The following FAM8A1 variants were observed in gnomAD, a reference collection of about 807,000 sequenced individuals.
The protein encoded by FAM8A1 is family with sequence similarity 8 member A1.
Under a neutral mutation model 38.3 loss-of-function variants are expected in FAM8A1, and 18 were observed. The ratio of observed to expected loss-of-function variants is 0.47; its 90% CI spans 0.33 to 0.70. The LOEUF is 0.70. Among genes scored for constraint, FAM8A1 ranks in the 30% least tolerant of loss-of-function variants. FAM8A1 has a pLI of 0.03. For synonymous variants in FAM8A1, 246 were observed against 234.4 expected (o/e 1.05, Z -0.45); for missense variants, 559 against 559.6 (o/e 1.00, Z 0.01).
At chr6:17,606,062 G>A (rs754237033) in intron 4 of FAM8A1, 49 bp downstream of exon 4, 96 of 1,395,258 alleles carry the variant, frequency 6.9e-5, no homozygotes, top group Non-Finnish European at 6.7e-5. Context: ...TGAAAATAAT[G>A]TGTTTTAGAA....
rs1554134169 is a variant in FAM8A1, at chr6:17,608,960, ATTC to A, written c.*624_*626del. 1 of 152,150 alleles carries A rather than the reference ATTC, an allele frequency of 6.6e-6. No individual in the cohort carries two copies. 9.4% of individuals were successfully genotyped at this position (152,150 alleles called of 1,614,324 possible). Reference sequence around the variant, plus strand: ...CTCGTAATGATGTAACTTTACAACTATTCTTAATGCTTGAACATGTATTTAGGG... The same window carrying A: ...CTCGTAATGATGTAACTTTACAACTATTAATGCTTGAACATGTATTTAGGG... On this transcript the variant is annotated 3_prime_UTR_variant, in exon 5 of 5. Coordinates refer to ENST00000259963, the MANE Select transcript of FAM8A1 (RefSeq NM_016255.3).
chr6:17,601,037 C>T lies in FAM8A1; in HGVS notation c.628C>T (p.Gln210Ter). The change falls in exon 1 of 5, where the codon CAG (glutamine) becomes TAG (stop). Residue 210 changes from glutamine (Q) to a stop codon, truncating the protein, a stop_gained. Transcript: ENST00000259963. LOFTEE classifies it high-confidence loss of function. ...AGLGPRAPHV[Q>*]ASVRATPVTR... Reference sequence around the variant, plus strand: ...CCTGGGACCCCGGGCTCCTCACGTGCAGGCGTCGGTCCGGGCCACTCCAGT... The same window carrying T: ...CCTGGGACCCCGGGCTCCTCACGTGTAGGCGTCGGTCCGGGCCACTCCAGT... The T allele has an allele frequency of 6.3e-7, 1 of 1,592,178 alleles. No individual in the cohort carries two copies. The highest frequency in any genetic ancestry group is 8.5e-7 in the Non-Finnish European group (1 of 1,172,150).
intron 2 of FAM8A1, 95 bp from the exon 3 acceptor site, chr6:17,604,811 C>A: frequency 1.0e-6 from 1 of 955,276 alleles, no homozygotes; most frequent in South Asian, 1.7e-5. Context: ...TTTAGAATTT[C>A]AATTAAAATG....
intron 1 of FAM8A1, among the ~76,000 whole-genome samples, chr6:17,601,841 A>G (rs1763989470): frequency 6.8e-6 from 1 of 147,418 alleles, no homozygotes; most frequent in Admixed American, 6.7e-5. Context: ...AAAACAAACT[A>G]AAAAACGGGT....
At position 17,600,475 on chromosome 6, in the gene FAM8A1, CGA is replaced by C. The variant is rs1186692867; in HGVS notation, c.68_69del (p.Glu23AlafsTer163). ...PGQDDGGGDHEPVPSLRGPPT... is the reference protein window; with the variant it reads ...PGQDDGGGDHXPVPSLRGPPT... ...GGCAGGACGATGGCGGAGGGGACCA[CGA>C]GCCCGTCCCTTCCCTGAGAGGCCCT... On this transcript the variant is annotated frameshift_variant, in exon 1 of 5. Coordinates refer to ENST00000259963, the MANE Select transcript of FAM8A1 (RefSeq NM_016255.3). LOFTEE classifies it high-confidence loss of function. 44 of 1,513,454 alleles carry C rather than the reference CGA, an allele frequency of 2.9e-5. No homozygotes were observed. The highest frequency in any genetic ancestry group is 3.9e-5 in the Non-Finnish European group (44 of 1,133,830). 93.8% of individuals were successfully genotyped at this position (1,513,454 alleles called of 1,614,324 possible).
In FAM8A1 at chr6:17,600,798, C is replaced by T. The variant is rs749695982; in HGVS notation, c.389C>T (p.Thr130Ile). 6.2e-7 allele frequency: 1 copy of T among 1,611,242 alleles called. No individual in the cohort carries two copies. Among genetic ancestry groups the T allele is most frequent in the Non-Finnish European group, 8.5e-7 (1 of 1,179,694 alleles). The change falls in exon 1 of 5, where the codon ACC becomes ATC. Residue 130 changes from threonine to isoleucine, a missense_variant. This residue lies in a region of FAM8A1 where 393 missense variants were observed against 338.9 expected (regional missense o/e 1.16). Coordinates refer to ENST00000259963, the MANE Select transcript of FAM8A1 (RefSeq NM_016255.3). ...TGGCAGTCCTACTGCGGCTACCTCA[C>T]CTGGCACAGCGGCCTGGCCGCCTTC... ...WLWQSYCGYL[T>I]WHSGLAAFPA...
At chr6:17,603,272 C>G (rs1402703488) in intron 2 of FAM8A1, among the ~76,000 whole-genome samples, 3 of 152,214 alleles carry the variant, frequency 2.0e-5, no homozygotes, top group Non-Finnish European at 4.4e-5. Flanking sequence ...TTGCTCACTT[C>G]TTTATGTGGA....
rs1428848707 is a variant in FAM8A1 at position 17,610,882 on chromosome 6, A to G, written c.*2543A>G. ...CGTCTAGAAAATCTCAGTTCCCACC[A>G]GTAAAATTATCCTGAGTAGCTAATG... is the stretch of plus-strand genomic sequence containing the variant. On this transcript the variant is annotated 3_prime_UTR_variant, in exon 5 of 5. Coordinates refer to ENST00000259963, the MANE Select transcript of FAM8A1 (RefSeq NM_016255.3). 1 of 152,168 alleles carries G rather than the reference A, an allele frequency of 6.6e-6. No homozygotes were observed. Among genetic ancestry groups the G allele is most frequent in the Non-Finnish European group, 1.5e-5 (1 of 68,004 alleles). The allele number at this position is 152,168 out of a possible 1,614,324, so 9.4% of individuals were successfully genotyped here. A position where few individuals can be genotyped will look rare whatever the true frequency, so the allele number is the denominator to read the frequency against.
At position 17,600,961 on chromosome 6, in the gene FAM8A1, G is replaced by T. The variant is rs542074576; in HGVS notation, c.552G>T (p.Gly184=). 1.6e-5 allele frequency: 25 copies of T among 1,594,546 alleles called. No homozygotes were observed. The South Asian group carries it at 2.7e-4, about 17-fold the overall frequency. ...PFYFLSPGAA[G]PDPRTAAGIS... ...ACTTCCTGAGCCCCGGGGCCGCGGG[G>T]CCTGACCCGCGGACAGCTGCCGGCA... The change falls in exon 1 of 5, where the codon GGG becomes GGT. Residue 184 remains glycine (G), a synonymous_variant. Transcript: ENST00000259963.
chr6:17,602,455 G>C (rs1291450049), intron 1 of FAM8A1, 135 bp from the exon 2 acceptor site: 1 of 796,776 alleles, frequency 1.3e-6, no homozygotes, highest in Non-Finnish European at 1.9e-6. Context: ...AATATCAATA[G>C]TTGCTGCACG....
At position 17,600,310 on chromosome 6, in the gene FAM8A1, C is replaced by G. The variant is rs541663611; in HGVS notation, c.-100C>G. On this transcript the variant is annotated 5_prime_UTR_variant, in exon 1 of 5. Transcript: ENST00000259963. The stretch of plus-strand genomic sequence containing the variant: ...GCTTCCGGCGGGGGATTGTTGACGC[C>G]TGCGGTTGCTGCGGTGGTGACGGGG... 37 of 1,270,252 alleles carry G rather than the reference C, an allele frequency of 2.9e-5. No homozygotes were observed. In the African/African-American group the frequency reaches 5.0e-4, roughly 17 times the overall value. 78.7% of individuals were successfully genotyped at this position (1,270,252 alleles called of 1,614,324 possible). A position where few individuals can be genotyped will look rare whatever the true frequency, so the allele number is the denominator to read the frequency against.
In FAM8A1 at chr6:17,610,234, A is replaced by G. The variant is rs888092569; in HGVS notation, c.*1895A>G. 1 of 152,152 alleles carries G rather than the reference A, an allele frequency of 6.6e-6. No homozygotes were observed. The highest frequency in any genetic ancestry group is 2.4e-5 in the African/African-American group (1 of 41,446). 9.4% of individuals were successfully genotyped at this position (152,152 alleles called of 1,614,324 possible). A position where few individuals can be genotyped will look rare whatever the true frequency, so the allele number is the denominator to read the frequency against. On this transcript the variant is annotated 3_prime_UTR_variant, in exon 5 of 5. Coordinates refer to ENST00000259963, the MANE Select transcript of FAM8A1 (RefSeq NM_016255.3). ...CATATAGGTCTGGAATACATCTTTC[A>G]TTCATAATTTCTGCTCAGATAATTG...
chr6:17,605,156 C>T, intron 3 of FAM8A1, 127 bp downstream of exon 3: 2 of 694,456 alleles, frequency 2.9e-6, no homozygotes, highest in Non-Finnish European at 4.4e-6. Flanking sequence ...TCTTGGCTCA[C>T]TGCAACCTCT....
At chr6:17,606,485 C>A (rs1193296818) in intron 4 of FAM8A1, among the ~76,000 whole-genome samples, 18 of 152,154 alleles carry the variant, frequency 1.2e-4, no homozygotes, top group Admixed American at 1.2e-3. Context: ...CAGACGTGAG[C>A]CACCATGCCC....
At position 17,605,894 on chromosome 6, in the gene FAM8A1, A is replaced by G; in HGVS notation, c.978A>G (p.Ala326=). ...CFYEIICIWG[A]GGATPGKFLL... The stretch of plus-strand genomic sequence containing the variant: ...CTTAGATAATTTGCATTTGGGGAGC[A>G]GGTGGAGCTACCCCAGGGAAGTTCC... Residue 326 remains alanine, a synonymous_variant, in exon 4 of 5, where the codon GCA becomes GCG. Transcript: ENST00000259963. 1 of 1,536,470 alleles carries G rather than the reference A, an allele frequency of 6.5e-7. No homozygotes were observed. The highest frequency in any genetic ancestry group is 8.8e-7 in the Non-Finnish European group (1 of 1,132,128).
intron 2 of FAM8A1, among the ~76,000 whole-genome samples, chr6:17,604,482 T>C (rs1329978497): frequency 3.9e-5 from 6 of 152,336 alleles, no homozygotes; most frequent in Admixed American, 1.3e-4. Flanking sequence ...TTAGTCTGGC[T>C]AACTTCTCTT....
chr6:17,603,840 C>G (rs1290811580), intron 2 of FAM8A1, among the ~76,000 whole-genome samples: 1 of 152,124 alleles, frequency 6.6e-6, no homozygotes, highest in Non-Finnish European at 1.5e-5. Context: ...CCTGCCTTAG[C>G]TTCCCAAAGT....
At position 17,608,679 on chromosome 6, in the gene FAM8A1, AATTT is replaced by A; in HGVS notation, c.*345_*348del. On this transcript the variant is annotated 3_prime_UTR_variant, in exon 5 of 5. Coordinates refer to ENST00000259963, the MANE Select transcript of FAM8A1 (RefSeq NM_016255.3). ...TTGAAATCTCCAAATGAAACTTTAA[AATTT>A]ATTTTGGTTTATCCCAAAATAATGG... 5.7e-6 allele frequency: 1 copy of A among 174,668 alleles called. No individual in the cohort carries two copies. Among genetic ancestry groups the A allele is most frequent in the East Asian group, 1.5e-4 (1 of 6,554 alleles). 10.8% of individuals were successfully genotyped at this position (174,668 alleles called of 1,614,324 possible). A position where few individuals can be genotyped will look rare whatever the true frequency, so the allele number is the denominator to read the frequency against.
chr6:17,603,893 TATC>T (rs1764019023), intron 2 of FAM8A1, among the ~76,000 whole-genome samples: 1 of 152,020 alleles, frequency 6.6e-6, no homozygotes, highest in South Asian at 2.1e-4. Context: ...GCCCATTTTT[TATC>T]ATCATTGCTT....
Sources: gnomAD v4.1 joint callset for allele counts (sites outside exome capture counted in the v4.1 genomes callset) on GRCh38, gnomAD v4.1.1 for gene constraint, gnomAD v4.1.1 regional missense constraint, MANE v1.5 for transcripts, NCBI Gene and HGNC (gene_info 2026-07-23, HGNC 2026-07-21) for gene names.